The following SUSD1 variants were observed in gnomAD, a reference collection of about 807,000 sequenced individuals.
SUSD1 encodes sushi domain containing 1.
In SUSD1, 65 loss-of-function variants were observed where a neutral mutation model predicts 86.9. The ratio of observed to expected loss-of-function variants is 0.75; its 90% confidence interval spans 0.61 to 0.92. The LOEUF (loss-of-function observed/expected upper bound fraction) is 0.92. Among genes scored for constraint, SUSD1 ranks in the 40% least tolerant of loss-of-function variants. The probability of loss-of-function intolerance (pLI) is 0.00; values close to 1 mark genes in which losing one functional copy is unlikely to be tolerated. For missense variants in SUSD1, 850 were observed against 929.7 expected, an observed-to-expected ratio of 0.91 and a Z score of 1.11; for synonymous variants, 346 against 350.0, an observed-to-expected ratio of 0.99 and a Z score of 0.13.
chr9:112,062,616 A>T (rs1828778293), intron 13 of SUSD1, among the ~76,000 whole-genome samples: 1 of 152,146 alleles, frequency 6.6e-6, no homozygotes, highest in Admixed American at 6.6e-5. Flanking sequence ...AATCACTTGC[A>T]CCCAGCAGGT....
intron 6 of SUSD1, among the ~76,000 whole-genome samples, chr9:112,123,758 A>G (rs1831648566): frequency 6.6e-6 from 1 of 152,184 alleles, no homozygotes; most frequent in East Asian, 1.9e-4. Flanking sequence ...CAGTGAGCTG[A>G]GATCGTGCCA....
intron 14 of SUSD1, 138 bp from the exon 15 acceptor site, chr9:112,052,576 G>C (rs930985288): frequency 2.1e-5 from 20 of 941,988 alleles, no homozygotes; most frequent in Non-Finnish European, 2.8e-5. Context: ...GTCCAATCTA[G>C]CTCTAATATC....
intron 8 of SUSD1, among the ~76,000 whole-genome samples, chr9:112,108,649 A>G (rs1830946889): frequency 6.7e-6 from 1 of 150,112 alleles, no homozygotes; most frequent in Non-Finnish European, 1.5e-5. Flanking sequence ...ATAGTGGTGC[A>G]CGCCTGTAGT....
chr9:112,077,177 G>A (rs571103348), intron 12 of SUSD1, among the ~76,000 whole-genome samples: 6 of 152,254 alleles, frequency 3.9e-5, no homozygotes, highest in African/African-American at 1.4e-4. Flanking sequence ...GTATTGAGGG[G>A]AAGTGCTGAT....
intron 12 of SUSD1, among the ~76,000 whole-genome samples, chr9:112,077,261 G>C (rs1380962043): frequency 6.6e-6 from 1 of 152,110 alleles, no homozygotes; most frequent in Non-Finnish European, 1.5e-5. Flanking sequence ...GGACAGGAAG[G>C]GAGGCAGAAC....
At chr9:112,159,631 T>C (rs753912208) in intron 1 of SUSD1, among the ~76,000 whole-genome samples, 6 of 152,138 alleles carry the variant, frequency 3.9e-5, no homozygotes, top group Non-Finnish European at 7.4e-5. Context: ...AAAAACATAC[T>C]TGCAAACCAC....
intron 10 of SUSD1, among the ~76,000 whole-genome samples, chr9:112,087,906 C>T (rs1021569518): frequency 6.6e-6 from 1 of 152,166 alleles, no homozygotes; most frequent in African/African-American, 2.4e-5. Flanking sequence ...CCACAACAAT[C>T]AACCCCAAAA....
At position 112,149,335 on chromosome 9, in the gene SUSD1, G is replaced by A. The variant is rs760053728; in HGVS notation, c.282C>T (p.Thr94=). The A allele has an allele frequency of 6.2e-7, 1 of 1,614,112 alleles. No homozygotes were observed. The highest frequency in any genetic ancestry group is 8.5e-7 in the Non-Finnish European group (1 of 1,180,022). Residue 94 remains threonine, a synonymous_variant, in exon 3 of 17, where the codon ACC becomes ACT. Coordinates refer to ENST00000374270, the MANE Select transcript of SUSD1 (RefSeq NM_022486.5). ...GGCAAATGCAATAGAAGCCCCCGGG[G>A]GTGTTGTGGCAAGATGTGTGGTTCC... The part of the protein sequence containing the change: ...VCGNHTSCHN[T]PGGFYCICLE...
chr9:112,064,012 C>T lies in SUSD1; in HGVS notation c.1754-979G>A, dbSNP rs973219315. Among the ~76,000 whole-genome samples the T allele has an allele frequency of 2.9e-5, 4 of 140,108 alleles. No homozygotes were observed. In the Admixed American group the frequency reaches 3.2e-4, roughly 11 times the overall value. The allele number at this position is 140,108 out of a possible 152,430, so 91.9% of individuals were successfully genotyped here. The stretch of plus-strand genomic sequence containing the variant: ...GTGAAACAGCTAGTTCCCATGTAGC[C>T]CCATCCTTATTTTTTTATTTTTCTT... On this transcript the variant is annotated intron_variant, in intron 12 of 16. Transcript: ENST00000374270.
intron 1 of SUSD1, among the ~76,000 whole-genome samples, chr9:112,166,367 T>C (rs952118211): frequency 4.6e-5 from 7 of 152,166 alleles, no homozygotes. Flanking sequence ...CCAAGACAGC[T>C]GGTCATGCTT....
intron 5 of SUSD1, among the ~76,000 whole-genome samples, chr9:112,126,139 T>C (rs1024312166): frequency 7.2e-5 from 11 of 152,258 alleles, no homozygotes; most frequent in African/African-American, 2.7e-4. Flanking sequence ...TAATGTTTCA[T>C]AAGACTGCCT....
chr9:112,089,956 C>T (rs1295337627), intron 10 of SUSD1, among the ~76,000 whole-genome samples: 1 of 151,930 alleles, frequency 6.6e-6, no homozygotes, highest in Non-Finnish European at 1.5e-5. Context: ...CACAACTATT[C>T]AACTCTGCCT....
At position 112,143,536 on chromosome 9, in the gene SUSD1, T is replaced by G; in HGVS notation, c.461A>C (p.Asp154Ala). 6.2e-7 allele frequency: 1 copy of G among 1,614,088 alleles called. No individual in the cohort carries two copies. The highest frequency in any genetic ancestry group is 8.5e-7 in the Non-Finnish European group (1 of 1,180,010). Residue 154 changes from aspartate (D) to alanine (A), a missense_variant, in exon 4 of 17, where the codon GAT (aspartate) becomes GCT (alanine). Asp to Ala is a moderately radical substitution (Grantham distance 126). Transcript: ENST00000374270. ...AGGTCCATTCCTTGGCAAGTATCCA[T>G]CCATACAGTAGCATTCAAAGCTCCC... ...THGSFECYCM[D>A]GYLPRNGPEP... is the part of the protein sequence containing the mutation.
chr9:112,082,446 G>C (rs1055722236), intron 10 of SUSD1, among the ~76,000 whole-genome samples: 1 of 152,122 alleles, frequency 6.6e-6, no homozygotes, highest in Non-Finnish European at 1.5e-5. Flanking sequence ...CCTTATAAGA[G>C]AGCAACAAGA....
At chr9:112,162,145 A>G (rs537970820) in intron 1 of SUSD1, among the ~76,000 whole-genome samples, 1 of 152,362 alleles carries the variant, frequency 6.6e-6, no homozygotes, top group East Asian at 1.9e-4. Flanking sequence ...GTAGACAACC[A>G]TGAAACAACT....
chr9:112,061,488 G>A (rs570989982), intron 13 of SUSD1, among the ~76,000 whole-genome samples: 29 of 152,286 alleles, frequency 1.9e-4, no homozygotes, highest in African/African-American at 3.6e-4. Context: ...GGCGCTGGCC[G>A]GCATATAGCC....
chr9:112,057,077 C>T (rs1480141986), intron 14 of SUSD1, among the ~76,000 whole-genome samples: 1 of 152,166 alleles, frequency 6.6e-6, no homozygotes, highest in African/African-American at 2.4e-5. Flanking sequence ...CTGGAGCCCT[C>T]ACGATGGGAT....
chr9:112,091,730 T>C (rs923854693), intron 10 of SUSD1, among the ~76,000 whole-genome samples: 2 of 152,214 alleles, frequency 1.3e-5, no homozygotes, highest in Admixed American at 6.5e-5. Context: ...AGTGGTATCA[T>C]CTTAGTTATC....
At chr9:112,048,824 G>A (rs1190138878) in intron 15 of SUSD1, among the ~76,000 whole-genome samples, 3 of 152,198 alleles carry the variant, frequency 2.0e-5, no homozygotes, top group Non-Finnish European at 4.4e-5. Flanking sequence ...AGGAAATCCA[G>A]ATGGAAGTCG....
Sources: allele counts gnomAD v4.1 joint callset (sites outside exome capture counted in the v4.1 genomes callset), GRCh38; gene constraint gnomAD v4.1.1; transcripts MANE v1.5; gene names NCBI Gene and HGNC (gene_info 2026-07-23, HGNC 2026-07-21).